The following DHX57 variants were observed in gnomAD, a reference collection of about 807,000 sequenced individuals.
DHX57 encodes the protein putative ATP-dependent RNA helicase DHX57.
A neutral mutation model predicts 156.2 loss-of-function variants in DHX57; 105 were observed. The observed-to-expected ratio is 0.67, with a 90% CI of 0.57 to 0.79. The LOEUF (loss-of-function observed/expected upper bound fraction) is 0.79, where lower values mean the gene tolerates loss of function less well. DHX57 is among the 30% of genes least tolerant of loss of function. The pLI is 0.00. For missense variants in DHX57, 1,847 were observed against 1,661.9 expected, an observed-to-expected ratio of 1.11 and a Z score of -1.94; for synonymous variants, 704 against 595.6, an observed-to-expected ratio of 1.18 and a Z score of -2.65.
At position 38,813,837 on chromosome 2, in the gene DHX57, T is replaced by A. The variant is rs1209487774; in HGVS notation, c.3665A>T (p.Tyr1222Phe). The change falls in exon 21 of 24, where the codon TAT (tyrosine) becomes TTT (phenylalanine). Residue 1222 changes from tyrosine to phenylalanine, a missense_variant. By Grantham distance (22) the Tyr-to-Phe change is conservative (BLOSUM62 3). Coordinates refer to ENST00000457308, the MANE Select transcript of DHX57 (RefSeq NM_198963.3). ...TTTTGTTACCTGCACTACATTTGGA[T>A]ACAAAGCAGCACACAGCATTGCTGA... ...LISAMLCAAL[Y>F]PNVVQVKSPE... The A allele has an allele frequency of 4.3e-6, 7 of 1,613,620 alleles. No homozygotes were observed. The highest frequency in any genetic ancestry group is 1.3e-5 in the African/African-American group (1 of 74,942).
chr2:38,861,957 T>G (rs1339174226), intron 4 of DHX57, 120 bp from the exon 5 acceptor site: 3 of 1,265,308 alleles, frequency 2.4e-6, no homozygotes, highest in Non-Finnish European at 3.2e-6. Flanking sequence ...GGCTTGTATT[T>G]TGAAAAAGCA....
In DHX57 at chr2:38,826,021, C is replaced by T. The variant is rs765846506; in HGVS notation, c.2840G>A (p.Ser947Asn). The T allele has an allele frequency of 1.2e-6, 2 of 1,614,004 alleles. No homozygotes were observed. Among genetic ancestry groups the T allele is most frequent in the Non-Finnish European group, 1.7e-6 (2 of 1,179,992 alleles). ...TTGAGATACAAAGGTGTCCTCTAGA[C>T]TTTCCATCCCTTTGCTGGCATCATA... is the stretch of plus-strand genomic sequence containing the variant. ...KRYDASKGME[S>N]LEDTFVSQAN... is the part of the protein sequence containing the mutation. Residue 947 changes from serine to asparagine, a missense_variant, in exon 16 of 24, where the codon AGT (serine) becomes AAT (asparagine). Coordinates refer to ENST00000457308, the MANE Select transcript of DHX57 (RefSeq NM_198963.3).
intron 11 of DHX57, among the ~76,000 whole-genome samples, chr2:38,846,417 T>C (rs1672290715): frequency 6.6e-6 from 1 of 151,510 alleles, no homozygotes; most frequent in Non-Finnish European, 1.5e-5. Flanking sequence ...GGTCAGGAGT[T>C]TGAGACCAGC....
intron 13 of DHX57, 40 bp downstream of exon 13, chr2:38,837,791 G>A (rs1367962653): frequency 1.6e-6 from 2 of 1,247,186 alleles, no homozygotes. Flanking sequence ...AGGACTAAGT[G>A]TTTCAATTGT....
chr2:38,865,653 G>A (rs1462517308), intron 2 of DHX57, among the ~76,000 whole-genome samples: 1 of 152,062 alleles, frequency 6.6e-6, no homozygotes, highest in East Asian at 1.9e-4. Context: ...TCATTTCTTT[G>A]TGTTGGGAAC....
intron 5 of DHX57, among the ~76,000 whole-genome samples, chr2:38,860,732 C>G (rs1673149253): frequency 1.3e-5 from 2 of 152,208 alleles, no homozygotes; most frequent in African/African-American, 4.8e-5. Context: ...TAAGGTCCTT[C>G]CAAGCCTCGG....
At chr2:38,846,975 CA>C in intron 11 of DHX57, 43 bp downstream of exon 11, 3 of 1,533,080 alleles carry the variant, frequency 2.0e-6, no homozygotes, top group Non-Finnish European at 2.7e-6. Flanking sequence ...GATGAACCAC[CA>C]TGCCAGGTCC....
At chr2:38,839,636 G>A (rs1380729292) in intron 12 of DHX57, among the ~76,000 whole-genome samples, 6 of 151,622 alleles carry the variant, frequency 4.0e-5, no homozygotes, top group African/African-American at 1.5e-4. Context: ...CAGGAGATTC[G>A]CTTGAACCCA....
chr2:38,826,383 C>A, intron 15 of DHX57, 133 bp downstream of exon 15: 1 of 1,026,502 alleles, frequency 9.7e-7, no homozygotes, highest in East Asian at 2.5e-5. Flanking sequence ...ATTCACACAT[C>A]CACGTACAGT....
At chr2:38,858,424 C>T (rs955720501) in intron 6 of DHX57, among the ~76,000 whole-genome samples, 3 of 100,998 alleles carry the variant, frequency 3.0e-5, no homozygotes, top group Admixed American at 1.0e-4. Context: ...ACCAAAGGCA[C>T]ATGACTCTGA....
At chr2:38,849,493 C>T (rs1278166975) in intron 9 of DHX57, among the ~76,000 whole-genome samples, 1 of 151,792 alleles carries the variant, frequency 6.6e-6, no homozygotes, top group Non-Finnish European at 1.5e-5. Flanking sequence ...GGGAGGAATG[C>T]TTGAGGCCAG....
Position 38,868,247 on chromosome 2 carries a change from G to A in DHX57, c.159C>T (p.Ala53=). The A allele has an allele frequency of 1.2e-6, 2 of 1,614,050 alleles. No homozygotes were observed. Among genetic ancestry groups the A allele is most frequent in the South Asian group, 2.2e-5 (2 of 91,086 alleles). Reference sequence around the variant, plus strand: ...CTCCATCATCCCATATTCTACTGGAGGCCTTTCTGTTGCCGCCACCTCCAC... The same window carrying A: ...CTCCATCATCCCATATTCTACTGGAAGCCTTTCTGTTGCCGCCACCTCCAC... ...GGGGGGGNRK[A]SSRIWDDGDD... is the part of the protein sequence containing the mutation. Residue 53 remains alanine (A), a synonymous_variant, in exon 2 of 24, where the codon GCC becomes GCT. Coordinates refer to ENST00000457308, the MANE Select transcript of DHX57 (RefSeq NM_198963.3).
At chr2:38,856,575 C>T in intron 6 of DHX57, 114 bp from the exon 7 acceptor site, 2 of 1,344,140 alleles carry the variant, frequency 1.5e-6, no homozygotes, top group Non-Finnish European at 2.0e-6. Flanking sequence ...GCGATCACGG[C>T]TCACTCCAAT....
In DHX57 at chr2:38,858,817, A is replaced by G. The variant is rs761519174; in HGVS notation, c.1431T>C (p.Ser477=). 6.2e-7 allele frequency: 1 copy of G among 1,610,664 alleles called. No individual in the cohort carries two copies. The highest frequency in any genetic ancestry group is 1.1e-5 in the South Asian group (1 of 89,928). Reference sequence around the variant, plus strand: ...GACCGTCATCCTCATCTGACTCCTCAGATTCTGATGCTTTTTCAACTTGAA... The same window carrying G: ...GACCGTCATCCTCATCTGACTCCTCGGATTCTGATGCTTTTTCAACTTGAA... ...QIPEVEKASE[S]EESDEDDGPA... The change falls in exon 6 of 24, where the codon TCT becomes TCC. Residue 477 remains serine, a synonymous_variant. Coordinates refer to ENST00000457308, the MANE Select transcript of DHX57 (RefSeq NM_198963.3).
intron 21 of DHX57, among the ~76,000 whole-genome samples, chr2:38,806,901 T>C (rs753002766): frequency 1.4e-5 from 2 of 148,022 alleles, no homozygotes; most frequent in Non-Finnish European, 3.0e-5. Context: ...AGTATGAATA[T>C]AGGTGCAGTG....
chr2:38,798,389 A>G lies in DHX57; in HGVS notation c.4071T>C (p.Asp1357=). The change falls in exon 24 of 24, where the codon GAT becomes GAC. Residue 1357 remains aspartate (D), a synonymous_variant. Transcript: ENST00000457308. ...LRCELDQLLQ[D]KIKNPSIDLC... ...GATCAATGCTTGGGTTTTTAATTTT[A>G]TCCTGGAGAAGCTGATCAAGTTCGC... 1 of 1,613,990 alleles carries G rather than the reference A, an allele frequency of 6.2e-7. No homozygotes were observed. The highest frequency in any genetic ancestry group is 1.6e-4 in the Middle Eastern group (1 of 6,062).
At chr2:38,809,278 C>G (rs937044432) in intron 21 of DHX57, among the ~76,000 whole-genome samples, 11 of 151,806 alleles carry the variant, frequency 7.2e-5, no homozygotes, top group Admixed American at 2.6e-4. Flanking sequence ...TACCACCGTG[C>G]CTGGCTAATT....
intron 10 of DHX57, among the ~76,000 whole-genome samples, chr2:38,848,018 G>A (rs1000189556): frequency 1.3e-5 from 2 of 151,964 alleles, no homozygotes; most frequent in African/African-American, 4.8e-5. Flanking sequence ...GGGAGGCAGA[G>A]GTTGCAGTGA....
At position 38,868,249 on chromosome 2, in the gene DHX57, C is replaced by G; in HGVS notation, c.157G>C (p.Ala53Pro). Residue 53 changes from alanine (A) to proline (P), a missense_variant, in exon 2 of 24, where the codon GCC becomes CCC. By Grantham distance (27) the Ala-to-Pro change is conservative. Coordinates refer to ENST00000457308, the MANE Select transcript of DHX57 (RefSeq NM_198963.3). ...CCATCATCCCATATTCTACTGGAGG[C>G]CTTTCTGTTGCCGCCACCTCCACCA... ...GGGGGGGNRK[A>P]SSRIWDDGDD... 2 of 1,614,078 alleles carry G rather than the reference C, an allele frequency of 1.2e-6. No individual in the cohort carries two copies. The highest frequency in any genetic ancestry group is 1.1e-5 in the South Asian group (1 of 91,082).
Sources: gnomAD v4.1 joint callset for allele counts (sites outside exome capture counted in the v4.1 genomes callset) on GRCh38, gnomAD v4.1.1 for gene constraint, MANE v1.5 for transcripts, NCBI Gene and HGNC (gene_info 2026-07-23, HGNC 2026-07-21) for gene names.